ITPR2: variants seen among roughly 807,000 people sequenced by gnomAD.
ITPR2 encodes the protein inositol 1,4,5-trisphosphate receptor type 2.
In ITPR2, 207 loss-of-function variants were observed where a neutral mutation model predicts 317.1. That is an observed-to-expected ratio of 0.65 (90% CI 0.58 to 0.73). The LOEUF (loss-of-function observed/expected upper bound fraction) is 0.73. Ranked by LOEUF, ITPR2 falls within the 30% of genes least tolerant of loss-of-function variation. The pLI, the probability that ITPR2 is intolerant of heterozygous loss-of-function variation, is 0.00. For synonymous variants in ITPR2, 1,156 were observed against 1,149.1 expected (o/e 1.01, Z -0.12); for missense variants, 2,613 against 3,284.0 (o/e 0.80, Z 4.99).
intron 2 of ITPR2, among the ~76,000 whole-genome samples, chr12:26,772,974 A>C (rs151017217): frequency 0.037 from 5,606 of 151,914 alleles, 140 homozygotes; most frequent in Non-Finnish European, 0.05. Context: ...CTCATTGTTC[A>C]ACTCCCACTT....
chr12:26,755,361 G>C (rs1289059115), intron 2 of ITPR2, among the ~76,000 whole-genome samples: 1 of 152,162 alleles, frequency 6.6e-6, no homozygotes, highest in Non-Finnish European at 1.5e-5. Flanking sequence ...GAAAAAAAGG[G>C]AAAAACTTTC....
At chr12:26,453,158 C>CTTAT (rs56192860) in intron 45 of ITPR2, among the ~76,000 whole-genome samples, 134,354 of 151,828 alleles carry the variant, frequency 0.88, 59,528 homozygotes, top group Non-Finnish European at 0.9. Context: ...TCAGAAGATA[C>CTTAT]TTAAGATTTT....
At chr12:26,512,147 C>A (rs1321204339) in intron 37 of ITPR2, among the ~76,000 whole-genome samples, 1 of 150,746 alleles carries the variant, frequency 6.6e-6, no homozygotes, top group African/African-American at 2.4e-5. Context: ...GGCAAACCTG[C>A]CTCCCATTTT....
At chr12:26,642,062 G>C (rs1369927856) in intron 21 of ITPR2, among the ~76,000 whole-genome samples, 6 of 152,124 alleles carry the variant, frequency 3.9e-5, no homozygotes, top group Non-Finnish European at 8.8e-5. Flanking sequence ...AAATGGCACA[G>C]AAAAATCTTT....
chr12:26,440,388 C>G (rs1055419016), intron 46 of ITPR2, among the ~76,000 whole-genome samples: 1 of 152,158 alleles, frequency 6.6e-6, no homozygotes, highest in African/African-American at 2.4e-5. Context: ...GAGATAGTGT[C>G]AGCATGATAA....
At chr12:26,736,606 GT>G (rs1949122377) in intron 2 of ITPR2, among the ~76,000 whole-genome samples, 1 of 152,098 alleles carries the variant, frequency 6.6e-6, no homozygotes, top group African/African-American at 2.4e-5. Flanking sequence ...GACAATTCTG[GT>G]TTATGCCTGT....
At chr12:26,484,440 T>A (rs1350847951) in intron 41 of ITPR2, among the ~76,000 whole-genome samples, 51 of 152,060 alleles carry the variant, frequency 3.4e-4, no homozygotes, top group Non-Finnish European at 1.0e-4. Context: ...AACATACAGC[T>A]CCACTTCTAA....
chr12:26,375,690 T>C (rs1939316609), intron 55 of ITPR2, among the ~76,000 whole-genome samples: 2 of 152,244 alleles, frequency 1.3e-5, no homozygotes, highest in African/African-American at 4.8e-5. Context: ...TAGTTTCCTT[T>C]GCATAGCCTT....
intron 26 of ITPR2, among the ~76,000 whole-genome samples, chr12:26,614,515 C>A (rs1362994685): frequency 6.6e-6 from 1 of 152,128 alleles, no homozygotes; most frequent in African/African-American, 2.4e-5. Flanking sequence ...AAACCTGCAC[C>A]CAAATGTTTA....
At chr12:26,457,285 C>A (rs1217227477) in intron 45 of ITPR2, among the ~76,000 whole-genome samples, 1 of 152,120 alleles carries the variant, frequency 6.6e-6, no homozygotes, top group Non-Finnish European at 1.5e-5. Flanking sequence ...CTTATAGACA[C>A]AAAGTAGGTT....
chr12:26,440,104 G>A (rs1168945104), intron 46 of ITPR2, among the ~76,000 whole-genome samples: 2 of 152,096 alleles, frequency 1.3e-5, no homozygotes, highest in African/African-American at 2.4e-5. Flanking sequence ...CTGGTGTGGT[G>A]GTGGTCATGG....
chr12:26,737,154 C>G (rs899351938), intron 2 of ITPR2, among the ~76,000 whole-genome samples: 1 of 152,156 alleles, frequency 6.6e-6, no homozygotes, highest in African/African-American at 2.4e-5. Context: ...TTGTACTCAT[C>G]ATGTTGAGGC....
chr12:26,457,346 T>A (rs1409249095), intron 45 of ITPR2, among the ~76,000 whole-genome samples: 1 of 152,000 alleles, frequency 6.6e-6, no homozygotes, highest in Non-Finnish European at 1.5e-5. Context: ...GCAGAATAAG[T>A]AAAGACGAAA....
intron 2 of ITPR2, among the ~76,000 whole-genome samples, chr12:26,784,305 C>T (rs1213588088): frequency 1.7e-4 from 4 of 23,506 alleles, no homozygotes; most frequent in Admixed American, 4.3e-4. Flanking sequence ...CCCTCTCCCT[C>T]TCCCTCTCCC....
intron 37 of ITPR2, among the ~76,000 whole-genome samples, chr12:26,524,635 C>G (rs1326474673): frequency 1.3e-5 from 2 of 152,000 alleles, no homozygotes; most frequent in Non-Finnish European, 2.9e-5. Flanking sequence ...ATCTTGAACT[C>G]AAGTACATGG....
intron 32 of ITPR2, among the ~76,000 whole-genome samples, chr12:26,580,496 G>A (rs930344003): frequency 6.6e-6 from 1 of 152,112 alleles, no homozygotes; most frequent in African/African-American, 2.4e-5. Flanking sequence ...TCCACTCAAT[G>A]TAAGAGACCA....
intron 37 of ITPR2, among the ~76,000 whole-genome samples, chr12:26,501,484 G>A (rs139113190): frequency 2.0e-5 from 3 of 152,296 alleles, no homozygotes; most frequent in African/African-American, 7.2e-5. Context: ...CCAAGAAGTT[G>A]TAAGTCAATT....
chr12:26,486,069 G>A (rs1942657456), intron 41 of ITPR2, 35 bp downstream of exon 41: 3 of 1,607,124 alleles, frequency 1.9e-6, no homozygotes, highest in South Asian at 2.2e-5. Context: ...AACATAGGTT[G>A]TATTCTCAGC....
At chr12:26,448,320 G>A (rs1029807436) in intron 45 of ITPR2, among the ~76,000 whole-genome samples, 1 of 151,644 alleles carries the variant, frequency 6.6e-6, no homozygotes, top group Non-Finnish European at 1.5e-5. Context: ...ATGATAATGA[G>A]AGTCTGAATT....
Sources: gnomAD v4.1 joint callset for allele counts (sites outside exome capture counted in the v4.1 genomes callset) on GRCh38, gnomAD v4.1.1 for gene constraint, MANE v1.5 for transcripts, NCBI Gene and HGNC (gene_info 2026-07-23, HGNC 2026-07-21) for gene names.